Variants in CHD6 observed in about 807,000 individuals in gnomAD.
CHD6 encodes ATP-dependent chromatin remodeler CHD6.
CHD6 carries 50 observed loss-of-function variants against 276.9 expected under a neutral mutation model. The ratio of observed to expected loss-of-function variants is 0.18; its 90% CI spans 0.14 to 0.23. The LOEUF (loss-of-function observed/expected upper bound fraction) is 0.23. Among genes scored for constraint, CHD6 ranks in the 10% least tolerant of loss-of-function variants. The pLI is 1.00. For synonymous variants in CHD6, 1,173 were observed against 1,229.3 expected (o/e 0.95, Z 0.96); for missense variants, 2,564 against 3,365.8 (o/e 0.76, Z 5.89).
intron 3 of CHD6, among the ~76,000 whole-genome samples, chr20:41,530,455 C>G (rs774353274): frequency 6.6e-6 from 1 of 152,084 alleles, no homozygotes; most frequent in African/African-American, 2.4e-5. Flanking sequence ...AGGGTCTAAT[C>G]GATACCTGCT....
chr20:41,414,826 G>A, intron 34 of CHD6: 1 of 1,159,310 alleles, frequency 8.6e-7, no homozygotes, highest in Non-Finnish European at 1.1e-6. Context: ...CCATACCCCA[G>A]TCTTGGAGAG....
chr20:41,569,025 G>T (rs566795503), intron 1 of CHD6, among the ~76,000 whole-genome samples: 8 of 152,314 alleles, frequency 5.3e-5, no homozygotes, highest in African/African-American at 1.7e-4. Flanking sequence ...CTAAGAGGGA[G>T]GGAGTACTGA....
chr20:41,492,722 A>C (rs1232233153), intron 10 of CHD6, among the ~76,000 whole-genome samples: 2 of 152,254 alleles, frequency 1.3e-5, no homozygotes, highest in Non-Finnish European at 2.9e-5. Flanking sequence ...CAGGAGTTCA[A>C]GACGAGCTTA....
intron 1 of CHD6, among the ~76,000 whole-genome samples, chr20:41,591,731 T>C (rs1322102195): frequency 6.6e-6 from 1 of 151,728 alleles, no homozygotes; most frequent in Non-Finnish European, 1.5e-5. Context: ...GTCTAGAAAA[T>C]ACGGCTGCAA....
chr20:41,417,165 G>T, intron 32 of CHD6, 33 bp downstream of exon 32: 4 of 1,588,704 alleles, frequency 2.5e-6, no homozygotes, highest in Non-Finnish European at 3.4e-6. Context: ...GAATGGTTTG[G>T]GGGTAGGGTG....
At chr20:41,591,410 A>G (rs527299683) in intron 1 of CHD6, among the ~76,000 whole-genome samples, 1 of 149,472 alleles carries the variant, frequency 6.7e-6, no homozygotes, top group South Asian at 2.1e-4. Context: ...ACACACACAT[A>G]TATATATACA....
intron 1 of CHD6, among the ~76,000 whole-genome samples, chr20:41,592,597 A>G (rs2045675421): frequency 6.6e-6 from 1 of 152,230 alleles, no homozygotes; most frequent in Non-Finnish European, 1.5e-5. Flanking sequence ...TAGAAACTGG[A>G]GCTACCATGC....
At position 41,412,375 on chromosome 20, in the gene CHD6, C is replaced by T. The variant is rs1338179322; in HGVS notation, c.7132-112G>A. On this transcript the variant is annotated intron_variant, in intron 35 of 36. Coordinates refer to ENST00000373233, the MANE Select transcript of CHD6 (RefSeq NM_032221.5). The stretch of plus-strand genomic sequence containing the variant: ...TTGTTCTCGTCAATGGTTGTCTGCA[C>T]AGGAGCTGGCCAGGTTAAACTAAAG... 3.2e-6 allele frequency: 4 copies of T among 1,247,656 alleles called. No homozygotes were observed. In the African/African-American group the frequency reaches 6.0e-5, roughly 19 times the overall value. 77.3% of individuals were successfully genotyped at this position (1,247,656 alleles called of 1,614,324 possible).
intron 16 of CHD6, among the ~76,000 whole-genome samples, chr20:41,481,122 T>C (rs79692421): frequency 6.9e-6 from 1 of 144,112 alleles, no homozygotes; most frequent in African/African-American, 2.5e-5. Flanking sequence ...GAAAAAAAAA[T>C]ATATATATAT....
chr20:41,437,452 C>T (rs921691576), intron 26 of CHD6, 118 bp from the exon 27 acceptor site: 11 of 618,402 alleles, frequency 1.8e-5, no homozygotes, highest in South Asian at 1.1e-4. Flanking sequence ...AGAGACAGGG[C>T]GAGAGAGAGA....
At chr20:41,599,626 T>C (rs2045753799) in intron 1 of CHD6, among the ~76,000 whole-genome samples, 2 of 152,058 alleles carry the variant, frequency 1.3e-5, no homozygotes, top group South Asian at 4.1e-4. Context: ...AGCCAAGATA[T>C]GTTACAAAAA....
At chr20:41,440,696 G>A (rs910953463) in intron 25 of CHD6, among the ~76,000 whole-genome samples, 10 of 152,320 alleles carry the variant, frequency 6.6e-5, no homozygotes, top group Admixed American at 1.3e-4. Context: ...AACAGACAGT[G>A]TTTTGACCCA....
At chr20:41,542,230 G>A (rs2044956503) in intron 2 of CHD6, among the ~76,000 whole-genome samples, 1 of 152,208 alleles carries the variant, frequency 6.6e-6, no homozygotes, top group African/African-American at 2.4e-5. Context: ...AGTAGATGCT[G>A]AACAGAATCT....
chr20:41,546,165 T>C (rs2045037608), intron 2 of CHD6, among the ~76,000 whole-genome samples: 1 of 152,164 alleles, frequency 6.6e-6, no homozygotes, highest in Non-Finnish European at 1.5e-5. Context: ...AACAAATTGT[T>C]CAGTGAATAA....
At chr20:41,609,860 T>G (rs1021113696) in intron 1 of CHD6, among the ~76,000 whole-genome samples, 5 of 132,524 alleles carry the variant, frequency 3.8e-5, no homozygotes, top group African/African-American at 1.9e-4. Context: ...TTTTTCTTTT[T>G]TTTTTTTTTT....
intron 24 of CHD6, 34 bp from the exon 25 acceptor site, chr20:41,445,802 C>A (rs574489715): frequency 3.6e-6 from 5 of 1,393,348 alleles, no homozygotes; most frequent in South Asian, 3.5e-5. Context: ...CAAAACAACA[C>A]AAAAGCTACT....
chr20:41,605,702 T>C lies in CHD6; in HGVS notation c.-24+12638A>G, dbSNP rs555250345. On this transcript the variant is annotated intron_variant, in intron 1 of 36. Coordinates refer to ENST00000373233, the MANE Select transcript of CHD6 (RefSeq NM_032221.5). Reference sequence around the variant, plus strand: ...ATGGATAAACCACATGTAAGACTTATTGTGTAAGACTTATTGTTTTAACTA... The same window carrying C: ...ATGGATAAACCACATGTAAGACTTACTGTGTAAGACTTATTGTTTTAACTA... Among the ~76,000 whole-genome samples, 14 of 152,312 alleles carry C rather than the reference T, an allele frequency of 9.2e-5. No homozygotes were observed. In the South Asian group the frequency reaches 2.1e-3, roughly 23 times the overall value.
chr20:41,541,606 A>G (rs1298074495), intron 2 of CHD6, among the ~76,000 whole-genome samples: 3 of 152,210 alleles, frequency 2.0e-5, no homozygotes, highest in Non-Finnish European at 4.4e-5. Flanking sequence ...ACAGAGTGAG[A>G]AGAAACAGTG....
chr20:41,592,752 T>C (rs1165735173), intron 1 of CHD6, among the ~76,000 whole-genome samples: 1 of 152,192 alleles, frequency 6.6e-6, no homozygotes, highest in African/African-American at 2.4e-5. Context: ...TTAGCAGGGA[T>C]GCAACATGAG....
Sources: allele counts gnomAD v4.1 joint callset (sites outside exome capture counted in the v4.1 genomes callset), GRCh38; gene constraint gnomAD v4.1.1; transcripts MANE v1.5; gene names NCBI Gene and HGNC (gene_info 2026-07-23, HGNC 2026-07-21).